The following FMNL2 variants were observed in gnomAD, a reference collection of about 807,000 sequenced individuals.
FMNL2 encodes formin-like protein 2.
In FMNL2, 51 loss-of-function variants were observed where a neutral mutation model predicts 130.2. The ratio of observed to expected loss-of-function variants is 0.39; its 90% confidence interval spans 0.31 to 0.49. FMNL2 has a LOEUF of 0.49. FMNL2 is among the 20% of genes least tolerant of loss of function. The pLI, the probability that FMNL2 is intolerant of heterozygous loss-of-function variation, is 0.85. For synonymous variants in FMNL2, 465 were observed against 467.1 expected, an observed-to-expected ratio of 1.00 and a Z score of 0.06; for missense variants, 977 against 1,316.2, an observed-to-expected ratio of 0.74 and a Z score of 3.99.
rs1455947422 is a variant in FMNL2 at position 152,603,583 on chromosome 2, C to T, written c.877-3756C>T. The stretch of plus-strand genomic sequence containing the variant: ...TGATGTGTTTTTTGGGATCCTTATC[C>T]ACCATGAAATCTAGTGTTGCTTGTT... On this transcript the variant is annotated intron_variant, in intron 9 of 25. Coordinates refer to ENST00000288670, the MANE Select transcript of FMNL2 (RefSeq NM_052905.4). 3.3e-5 allele frequency among the ~76,000 whole-genome samples: 5 copies of T among 150,616 alleles called. 1 individual carries two copies. Among genetic ancestry groups the T allele is most frequent in the Non-Finnish European group, 7.4e-5 (5 of 67,694 alleles).
intron 15 of FMNL2, 122 bp downstream of exon 15, chr2:152,619,840 A>G (rs1699156927): frequency 6.8e-7 from 1 of 1,479,550 alleles, no homozygotes; most frequent in African/African-American, 1.4e-5. Context: ...TCCTAGTATA[A>G]GAAATTCCTG....
chr2:152,409,679 A>T (rs1686179060), intron 1 of FMNL2, among the ~76,000 whole-genome samples: 1 of 152,236 alleles, frequency 6.6e-6, no homozygotes, highest in Non-Finnish European at 1.5e-5. Flanking sequence ...TTATGCAGTA[A>T]TCGGACCCTG....
chr2:152,474,707 A>AACAAAAT (rs1427369684), intron 1 of FMNL2, among the ~76,000 whole-genome samples: 76 of 152,108 alleles, frequency 5.0e-4, no homozygotes, highest in African/African-American at 1.8e-3. Context: ...AAAAACAAAA[A>AACAAAAT]ACAGATGCAG....
At position 152,575,184 on chromosome 2, in the gene FMNL2, G is replaced by A; in HGVS notation, c.645G>A (p.Val215=). ...GAACTCTGAAAAATTCAAGATTAGT[G>A]AGTAAGAAAGATGATGTGCATGTCT... ...SRRTLKNSRL[V]SKKDDVHVCI... is the part of the protein sequence containing the mutation. Residue 215 remains valine, a synonymous_variant, in exon 7 of 26, where the codon GTG becomes GTA. Coordinates refer to ENST00000288670, the MANE Select transcript of FMNL2 (RefSeq NM_052905.4). 1 of 1,607,958 alleles carries A rather than the reference G, an allele frequency of 6.2e-7. No individual in the cohort carries two copies.
At chr2:152,402,920 G>A (rs748497003) in intron 1 of FMNL2, among the ~76,000 whole-genome samples, 44 of 152,114 alleles carry the variant, frequency 2.9e-4, no homozygotes, top group African/African-American at 1.0e-3. Flanking sequence ...TCCAGGATGC[G>A]GTGTCACATT....
chr2:152,349,659 G>T (rs1682360756), intron 1 of FMNL2, among the ~76,000 whole-genome samples: 1 of 152,176 alleles, frequency 6.6e-6, no homozygotes, highest in South Asian at 2.1e-4. Context: ...GATGTAGCTG[G>T]GGAAACAAGC....
At chr2:152,507,481 A>T (rs1213645641) in intron 1 of FMNL2, among the ~76,000 whole-genome samples, 1 of 152,158 alleles carries the variant, frequency 6.6e-6, no homozygotes, top group African/African-American at 2.4e-5. Context: ...TTTGATTTTC[A>T]TAACAATCCT....
At chr2:152,571,896 A>AT (rs34553108) in intron 6 of FMNL2, among the ~76,000 whole-genome samples, 109,660 of 151,474 alleles carry the variant, frequency 0.72, 39,975 homozygotes, top group East Asian at 0.81. Flanking sequence ...TACTGCTGTG[A>AT]TTTTTTTTTC....
chr2:152,450,517 A>C (rs768726297), intron 1 of FMNL2, among the ~76,000 whole-genome samples: 10 of 152,256 alleles, frequency 6.6e-5, no homozygotes, highest in Non-Finnish European at 1.0e-4. Flanking sequence ...GATTTTAATT[A>C]GATTGTTTAT....
intron 3 of FMNL2, among the ~76,000 whole-genome samples, chr2:152,547,362 G>A (rs947258101): frequency 1.3e-5 from 2 of 152,190 alleles, no homozygotes; most frequent in African/African-American, 4.8e-5. Flanking sequence ...TGTTAGGCCT[G>A]TTTCGACAGA....
intron 1 of FMNL2, among the ~76,000 whole-genome samples, chr2:152,517,243 A>T (rs1692824700): frequency 6.6e-6 from 1 of 152,222 alleles, no homozygotes; most frequent in Admixed American, 6.5e-5. Context: ...CAAGAAACTG[A>T]AATACTGTTC....
intron 1 of FMNL2, among the ~76,000 whole-genome samples, chr2:152,358,995 C>T (rs1388915310): frequency 6.6e-6 from 1 of 152,144 alleles, no homozygotes; most frequent in African/African-American, 2.4e-5. Context: ...ACAGTGTACA[C>T]AGATTGTACC....
chr2:152,548,234 C>G (rs1221036823), intron 3 of FMNL2, among the ~76,000 whole-genome samples: 1 of 151,890 alleles, frequency 6.6e-6, no homozygotes, highest in Non-Finnish European at 1.5e-5. Flanking sequence ...TTAGGTCACG[C>G]AGAAAAAAAA....
At chr2:152,612,696 ACCTCTGCTT>A (rs1310807079) in intron 11 of FMNL2, among the ~76,000 whole-genome samples, 1 of 152,082 alleles carries the variant, frequency 6.6e-6, no homozygotes. Context: ...GCTCACTGCA[ACCTCTGCTT>A]CCTGGGTTCA....
intron 1 of FMNL2, among the ~76,000 whole-genome samples, chr2:152,355,910 A>G (rs1385604629): frequency 6.6e-6 from 1 of 152,244 alleles, no homozygotes; most frequent in Non-Finnish European, 1.5e-5. Flanking sequence ...ATAAAATGTT[A>G]CAGACACAGT....
chr2:152,399,395 T>G (rs1307400322), intron 1 of FMNL2, among the ~76,000 whole-genome samples: 1 of 152,222 alleles, frequency 6.6e-6, no homozygotes, highest in Non-Finnish European at 1.5e-5. Context: ...CTGTGCCTTT[T>G]TAATAGATGC....
intron 3 of FMNL2, among the ~76,000 whole-genome samples, chr2:152,548,268 C>T (rs1370264625): frequency 6.6e-6 from 1 of 152,222 alleles, no homozygotes; most frequent in Admixed American, 6.5e-5. Context: ...CCTGAGACTG[C>T]TATGCTTAGC....
At chr2:152,522,766 A>G (rs922117226) in intron 2 of FMNL2, among the ~76,000 whole-genome samples, 4 of 152,202 alleles carry the variant, frequency 2.6e-5, no homozygotes, top group Non-Finnish European at 5.9e-5. Context: ...TCCTTTGAAA[A>G]TTGCCCAGTC....
Position 152,584,883 on chromosome 2 carries a change from C to CA in FMNL2, c.876+3835dup, listed in dbSNP as rs534402997. On this transcript the variant is annotated intron_variant, in intron 9 of 25. Coordinates refer to ENST00000288670, the MANE Select transcript of FMNL2 (RefSeq NM_052905.4). Reference sequence around the variant, plus strand: ...AGCTGAAGTGCATGTTTTAGGAAGGCAGGGAGCACCTTTAGTTTAATGGTA... The same window carrying CA: ...AGCTGAAGTGCATGTTTTAGGAAGGCAAGGGAGCACCTTTAGTTTAATGGTA... Among the ~76,000 whole-genome samples, 1,012 of 152,122 alleles carry CA rather than the reference C, an allele frequency of 6.7e-3. 11 individuals are homozygous for CA. Among genetic ancestry groups the CA allele is most frequent in the African/African-American group, 0.023 (971 of 41,502 alleles).
Sources: allele counts gnomAD v4.1 joint callset (sites outside exome capture counted in the v4.1 genomes callset), GRCh38; gene constraint gnomAD v4.1.1; transcripts MANE v1.5; gene names NCBI Gene and HGNC (gene_info 2026-07-23, HGNC 2026-07-21).